Variants in DYM observed in about 807,000 individuals in gnomAD.
DYM encodes dyggve-Melchior-Clausen syndrome protein.
DYM carries 78 observed loss-of-function variants against 93.1 expected under a neutral mutation model. The ratio of observed to expected loss-of-function variants is 0.84; its 90% CI spans 0.70 to 1.01. The LOEUF (loss-of-function observed/expected upper bound fraction) is 1.01. Ranked by LOEUF, DYM falls within the 50% of genes least tolerant of loss-of-function variation. The probability of loss-of-function intolerance (pLI) is 0.00; values close to 1 mark genes in which losing one functional copy is unlikely to be tolerated. For missense variants in DYM, 789 were observed against 845.0 expected, an observed-to-expected ratio of 0.93 and a Z score of 0.82; for synonymous variants, 321 against 319.7, an observed-to-expected ratio of 1.00 and a Z score of -0.04.
chr18:49,060,453 C>G (rs1283555875), intron 17 of DYM, among the ~76,000 whole-genome samples: 1 of 151,842 alleles, frequency 6.6e-6, no homozygotes, highest in Non-Finnish European at 1.5e-5. Flanking sequence ...CTGCTTACAG[C>G]ATTACCTGTA....
At chr18:49,395,432 C>A (rs900092579) in intron 2 of DYM, among the ~76,000 whole-genome samples, 4 of 152,016 alleles carry the variant, frequency 2.6e-5, no homozygotes, top group Admixed American at 2.6e-4. Context: ...GAGTTCAAGA[C>A]CAGCCTGACC....
intron 14 of DYM, among the ~76,000 whole-genome samples, chr18:49,178,810 C>G (rs1002872851): frequency 6.6e-6 from 1 of 151,990 alleles, no homozygotes; most frequent in Non-Finnish European, 1.5e-5. Context: ...AGAATGCCAC[C>G]ATCTCCAGAT....
At chr18:49,396,075 C>A (rs1281584527) in intron 2 of DYM, among the ~76,000 whole-genome samples, 1 of 152,206 alleles carries the variant, frequency 6.6e-6, no homozygotes, top group Non-Finnish European at 1.5e-5. Context: ...CTGTACACAC[C>A]AGCTCCCCTT....
intron 1 of DYM, chr18:49,447,172 T>C (rs2082162927): frequency 6.6e-6 from 1 of 152,112 alleles, no homozygotes; most frequent in Non-Finnish European, 1.5e-5. Context: ...GCCCTGTGGT[T>C]AAGAAATAAC....
Position 49,038,804 on chromosome 18 carries a change from ATAT to A in DYM, c.*5248_*5250del, listed in dbSNP as rs1480929859. 1.3e-5 allele frequency among the ~76,000 whole-genome samples: 2 copies of A among 152,362 alleles called. No individual in the cohort carries two copies. The highest frequency in any genetic ancestry group is 4.8e-5 in the African/African-American group (2 of 41,578). ...CTATACACTTTTATTGATATCTCAA[ATAT>A]TATCATGCATACATGAGTTATCAAA... is the stretch of plus-strand genomic sequence containing the variant. On this transcript the variant is annotated 3_prime_UTR_variant, in exon 18 of 18. Coordinates refer to ENST00000675505, the MANE Select transcript of DYM (RefSeq NM_001353214.3).
intron 2 of DYM, among the ~76,000 whole-genome samples, chr18:49,405,688 C>T (rs1450185002): frequency 6.6e-6 from 1 of 152,064 alleles, no homozygotes; most frequent in African/African-American, 2.4e-5. Flanking sequence ...GTTCTTTTTG[C>T]TTAGGATTGT....
intron 11 of DYM, among the ~76,000 whole-genome samples, chr18:49,271,635 C>G (rs1484456695): frequency 6.6e-6 from 1 of 150,890 alleles, no homozygotes; most frequent in Non-Finnish European, 1.5e-5. Flanking sequence ...TACTTCTATA[C>G]AAGTTTTAAA....
chr18:49,120,083 AAAAAAAAAAAAAG>A (rs1229182176), intron 15 of DYM, among the ~76,000 whole-genome samples: 1 of 150,616 alleles, frequency 6.6e-6, no homozygotes, highest in African/African-American at 2.4e-5. Flanking sequence ...TGTCTCAAAA[AAAAAAAAAAAAAG>A]AAAAAAAAGA....
At chr18:49,432,352 A>G (rs1326619734) in intron 1 of DYM, among the ~76,000 whole-genome samples, 1 of 151,326 alleles carries the variant, frequency 6.6e-6, no homozygotes, top group Non-Finnish European at 1.5e-5. Flanking sequence ...AAAAAAAGAA[A>G]GAAAGAAATT....
rs554958323 is a variant in DYM, at chr18:49,083,139, GAC to G, written c.2025+14261_2025+14262del. ...ACTCTGCTACTGTCGTGTGAAAGGA[GAC>G]ACAGACAATACATAAATAAGTGGGT... On this transcript the variant is annotated intron_variant, in intron 17 of 17. Transcript: ENST00000675505. Among the ~76,000 whole-genome samples the G allele has an allele frequency of 1.3e-4, 20 of 152,306 alleles. No individual in the cohort carries two copies. The East Asian group carries it at 3.3e-3, about 25-fold the overall frequency.
intron 13 of DYM, among the ~76,000 whole-genome samples, chr18:49,233,584 T>C (rs2093774455): frequency 1.3e-5 from 2 of 152,204 alleles, no homozygotes; most frequent in South Asian, 4.1e-4. Flanking sequence ...AGTTGTGCTA[T>C]CACTCCCTCC....
intron 15 of DYM, among the ~76,000 whole-genome samples, chr18:49,147,304 A>T (rs1017075264): frequency 6.6e-6 from 1 of 151,376 alleles, no homozygotes; most frequent in Non-Finnish European, 1.5e-5. Flanking sequence ...TTCATGTCTA[A>T]AACACCAAAA....
intron 10 of DYM, among the ~76,000 whole-genome samples, chr18:49,280,644 G>A (rs556195742): frequency 6.6e-6 from 1 of 152,294 alleles, no homozygotes; most frequent in African/African-American, 2.4e-5. Flanking sequence ...TCCTGCTCTG[G>A]GAGGCCACCT....
intron 5 of DYM, among the ~76,000 whole-genome samples, chr18:49,368,312 C>T (rs981166054): frequency 1.3e-5 from 2 of 152,110 alleles, no homozygotes; most frequent in African/African-American, 4.8e-5. Flanking sequence ...AGAGAAGAGA[C>T]AGAAATATGA....
chr18:49,228,664 C>T (rs747301718), intron 13 of DYM, among the ~76,000 whole-genome samples: 31 of 151,970 alleles, frequency 2.0e-4, no homozygotes, highest in Non-Finnish European at 3.1e-4. Context: ...AATCAAAATC[C>T]GCAATACTTC....
chr18:49,460,287 G>C (rs1040272331), intron 1 of DYM, 111 bp downstream of exon 1: 1 of 152,034 alleles, frequency 6.6e-6, no homozygotes, highest in Non-Finnish European at 1.5e-5. Flanking sequence ...CCGCCGCCCC[G>C]GGGCGCTGGC....
At position 49,182,618 on chromosome 18, in the gene DYM, GT is replaced by G. The variant is rs959644398; in HGVS notation, c.1626-18832del. Among the ~76,000 whole-genome samples the G allele has an allele frequency of 5.8e-4, 88 of 152,200 alleles. 1 individual carries two copies. The highest frequency in any genetic ancestry group is 3.4e-3 in the Middle Eastern group (1 of 294). The stretch of plus-strand genomic sequence containing the variant: ...TTCTTTTGCTGGTGTTAGTGATATG[GT>G]TGCATTTATATCTATCCTTTTGCTA... On this transcript the variant is annotated intron_variant, in intron 14 of 17. Transcript: ENST00000675505.
intron 14 of DYM, among the ~76,000 whole-genome samples, chr18:49,204,262 T>C (rs2092351772): frequency 6.6e-6 from 1 of 152,264 alleles, no homozygotes; most frequent in East Asian, 1.9e-4. Context: ...ACTCAATGTG[T>C]GTTAGAAAAT....
At chr18:49,448,130 G>C (rs1305620113) in intron 1 of DYM, among the ~76,000 whole-genome samples, 1 of 152,084 alleles carries the variant, frequency 6.6e-6, no homozygotes. Flanking sequence ...CTTTATGCTG[G>C]TTCTGTAAAT....
Sources: allele counts gnomAD v4.1 joint callset (sites outside exome capture counted in the v4.1 genomes callset), GRCh38; gene constraint gnomAD v4.1.1; transcripts MANE v1.5; gene names NCBI Gene and HGNC (gene_info 2026-07-23, HGNC 2026-07-21).